AGFG1: variants seen among roughly 807,000 people sequenced by gnomAD.
AGFG1 encodes ArfGAP with FG repeats 1, also known as arf-GAP domain and FG repeat-containing protein 1.
AGFG1 carries 10 observed loss-of-function variants against 60.6 expected under a neutral mutation model. The ratio of observed to expected loss-of-function variants is 0.16; its 90% confidence interval spans 0.10 to 0.28. The LOEUF (loss-of-function observed/expected upper bound fraction) is 0.28. Among genes scored for constraint, AGFG1 ranks in the 10% least tolerant of loss-of-function variants. The pLI is 1.00. For synonymous variants in AGFG1, 247 were observed against 242.9 expected (o/e 1.02, Z -0.16); for missense variants, 537 against 676.5 (o/e 0.79, Z 2.29).
intron 10 of AGFG1, among the ~76,000 whole-genome samples, chr2:227,550,966 A>C (rs1234680415): frequency 6.6e-6 from 1 of 152,220 alleles, no homozygotes; most frequent in African/African-American, 2.4e-5. Context: ...ACCCTTCCTA[A>C]AACACATAGT....
intron 2 of AGFG1, among the ~76,000 whole-genome samples, chr2:227,511,341 C>A (rs1227293609): frequency 2.6e-5 from 4 of 152,128 alleles, no homozygotes; most frequent in Admixed American, 6.6e-5. Context: ...TAGGGGTTGG[C>A]ACACTTTTTC....
intron 5 of AGFG1, among the ~76,000 whole-genome samples, chr2:227,526,480 TACCCACC>T (rs1691997096): frequency 6.8e-6 from 1 of 147,694 alleles, no homozygotes; most frequent in African/African-American, 2.5e-5. Flanking sequence ...TTAAGTGATC[TACCCACC>T]TTGGCCTCCC....
intron 1 of AGFG1, among the ~76,000 whole-genome samples, chr2:227,481,926 C>T (rs1003756036): frequency 3.6e-5 from 5 of 138,606 alleles, no homozygotes; most frequent in African/African-American, 1.1e-4. Flanking sequence ...AGTGCAGGGG[C>T]GCGATCTCTG....
chr2:227,550,959 C>A (rs1025242534), intron 10 of AGFG1, among the ~76,000 whole-genome samples: 1 of 152,110 alleles, frequency 6.6e-6, no homozygotes, highest in African/African-American at 2.4e-5. Flanking sequence ...TACTGAGACC[C>A]TTCCTAAAAC....
chr2:227,526,150 C>T (rs1691983292), intron 5 of AGFG1, among the ~76,000 whole-genome samples: 1 of 152,058 alleles, frequency 6.6e-6, no homozygotes, highest in Admixed American at 6.5e-5. Context: ...AATTAGCCCA[C>T]CTTAGGAGTA....
In AGFG1 at chr2:227,552,207, A is replaced by G. The variant is rs573403719; in HGVS notation, c.1537+90A>G. ...TGTGCTTGGGCAGGAAGACTTTTCT[A>G]AAGAATACTATAGTATTATCTACTG... On this transcript the variant is annotated intron_variant, in intron 11 of 12. Coordinates refer to ENST00000310078, the MANE Select transcript of AGFG1 (RefSeq NM_004504.5). 92 of 1,449,226 alleles carry G rather than the reference A, an allele frequency of 6.3e-5. No individual in the cohort carries two copies. In the East Asian group the frequency reaches 1.6e-3, roughly 26 times the overall value. The allele number at this position is 1,449,226 out of a possible 1,614,324, so 89.8% of individuals were successfully genotyped here.
chr2:227,553,579 T>G, intron 11 of AGFG1, 125 bp from the exon 12 acceptor site: 1 of 743,358 alleles, frequency 1.3e-6, no homozygotes, highest in Non-Finnish European at 2.2e-6. Context: ...GCCTAACAAC[T>G]TAACTTTAAC....
intron 2 of AGFG1, among the ~76,000 whole-genome samples, chr2:227,493,048 G>A (rs1158052636): frequency 6.6e-6 from 1 of 152,084 alleles, no homozygotes; most frequent in Non-Finnish European, 1.5e-5. Flanking sequence ...AAACAGAGTA[G>A]CAAAACTGTG....
intron 1 of AGFG1, among the ~76,000 whole-genome samples, chr2:227,491,207 T>G (rs1690805982): frequency 6.6e-6 from 1 of 152,186 alleles, no homozygotes; most frequent in Admixed American, 6.5e-5. Context: ...ATTTTAATAA[T>G]TCTTTCATAG....
intron 10 of AGFG1, among the ~76,000 whole-genome samples, chr2:227,545,128 C>T (rs1375674732): frequency 6.6e-6 from 1 of 152,142 alleles, no homozygotes; most frequent in African/African-American, 2.4e-5. Flanking sequence ...TTCACATAGT[C>T]CCGTAGTTCT....
In AGFG1 at chr2:227,536,723, T is replaced by TAC. The variant is rs762473919; in HGVS notation, c.1285+22_1285+23dup. The TAC allele has an allele frequency of 5.6e-6, 9 of 1,612,510 alleles. No individual in the cohort carries two copies. The highest frequency in any genetic ancestry group is 5.1e-6 in the Non-Finnish European group (6 of 1,178,776). On this transcript the variant is annotated intron_variant, in intron 9 of 12. Coordinates refer to ENST00000310078, the MANE Select transcript of AGFG1 (RefSeq NM_004504.5). Reference sequence around the variant, plus strand: ...TTTGGAGGTATGTGCTTCTGGTATATACACTGGTTTTTACAAAGAACCCAA... The same window carrying TAC: ...TTTGGAGGTATGTGCTTCTGGTATATACACACTGGTTTTTACAAAGAACCCAA...
At chr2:227,473,876 C>T (rs1267847074) in intron 1 of AGFG1, among the ~76,000 whole-genome samples, 1 of 151,858 alleles carries the variant, frequency 6.6e-6, no homozygotes, top group Non-Finnish European at 1.5e-5. Context: ...TTTTTGGTGC[C>T]TATTAGGTTG....
chr2:227,550,129 T>C (rs143438650), intron 10 of AGFG1: 1 of 429,218 alleles, frequency 2.3e-6, no homozygotes, highest in East Asian at 8.0e-5. Flanking sequence ...AATTAATATC[T>C]AGATTTGTGT....
intron 1 of AGFG1, among the ~76,000 whole-genome samples, chr2:227,490,585 A>T (rs953412447): frequency 1.3e-5 from 2 of 151,848 alleles, no homozygotes; most frequent in African/African-American, 4.8e-5. Flanking sequence ...CTCAAAAAAA[A>T]AAAAAAAAAT....
intron 1 of AGFG1, among the ~76,000 whole-genome samples, chr2:227,484,766 C>T (rs966659667): frequency 2.9e-5 from 4 of 139,074 alleles, no homozygotes; most frequent in Non-Finnish European, 3.0e-5. Context: ...TGCAGTGGTA[C>T]GATCTTGGCT....
At chr2:227,551,800 T>TAAAACTCATTA (rs1253518329) in intron 10 of AGFG1, among the ~76,000 whole-genome samples, 159 bp from the exon 11 acceptor site, 2 of 152,242 alleles carry the variant, frequency 1.3e-5, no homozygotes, top group African/African-American at 4.8e-5. Context: ...TGTGTAGCAC[T>TAAAACTCATTA]AAAACTCATT....
chr2:227,519,470 A>G (rs1001333658), intron 2 of AGFG1, among the ~76,000 whole-genome samples: 3 of 152,180 alleles, frequency 2.0e-5, no homozygotes, highest in Admixed American at 6.5e-5. Context: ...AAAAATGCAT[A>G]GGAGACAGCT....
At chr2:227,553,021 A>AAT (rs1291811927) in intron 11 of AGFG1, among the ~76,000 whole-genome samples, 2 of 150,346 alleles carry the variant, frequency 1.3e-5, no homozygotes, top group African/African-American at 4.9e-5. Flanking sequence ...AAAAAAAAAA[A>AAT]TCTGAAATAT....
chr2:227,526,499 A>G (rs575479920), intron 5 of AGFG1, among the ~76,000 whole-genome samples: 1 of 149,124 alleles, frequency 6.7e-6, no homozygotes, highest in East Asian at 2.0e-4. Context: ...TGGCCTCCCA[A>G]AGTGCTGGGA....
Sources: gnomAD v4.1 joint callset for allele counts (sites outside exome capture counted in the v4.1 genomes callset) on GRCh38, gnomAD v4.1.1 for gene constraint, MANE v1.5 for transcripts, NCBI Gene and HGNC (gene_info 2026-07-23, HGNC 2026-07-21) for gene names.